Variants in HTT-AS observed in about 807,000 individuals in gnomAD.
The protein encoded by HTT-AS is HTT antisense RNA.
intron 2 of HTT-AS, among the ~76,000 whole-genome samples, chr4:3,055,063 G>A (rs1183646023): frequency 6.6e-6 from 1 of 151,972 alleles, no homozygotes; most frequent in Non-Finnish European, 1.5e-5. Context: ...AATTGTAAGG[G>A]CTTGGCCAGG....
At chr4:3,072,525 G>A (rs1480745742) in intron 1 of HTT-AS, among the ~76,000 whole-genome samples, 1 of 152,224 alleles carries the variant, frequency 6.6e-6, no homozygotes, top group Non-Finnish European at 1.5e-5. Context: ...GGAGGTGAGG[G>A]GTGCTGGGGC....
At chr4:3,051,948 G>C (rs182291868) in intron 2 of HTT-AS, among the ~76,000 whole-genome samples, 2 of 152,270 alleles carry the variant, frequency 1.3e-5, no homozygotes, top group East Asian at 3.9e-4. Context: ...GTTTGACCTT[G>C]TAACCATGTG....
chr4:3,048,176 C>T (rs1354417159), downstream of HTT-AS, among the ~76,000 whole-genome samples: 3 of 151,870 alleles, frequency 2.0e-5, no homozygotes, highest in Non-Finnish European at 2.9e-5. Context: ...CTCTCATCTC[C>T]GCAGGTGAGG....
intron 2 of HTT-AS, among the ~76,000 whole-genome samples, chr4:3,059,098 G>T (rs1475012253): frequency 6.6e-6 from 1 of 152,168 alleles, no homozygotes; most frequent in Non-Finnish European, 1.5e-5. Context: ...CCTTGCAGAT[G>T]AATCGTAACC....
intron 2 of HTT-AS, among the ~76,000 whole-genome samples, chr4:3,058,366 A>G (rs1297002954): frequency 6.6e-6 from 1 of 152,134 alleles, no homozygotes; most frequent in African/African-American, 2.4e-5. Flanking sequence ...GGTAACTTCT[A>G]TATGTTGCCA....
chr4:3,058,002 C>A (rs559650949), intron 2 of HTT-AS, among the ~76,000 whole-genome samples: 1 of 151,710 alleles, frequency 6.6e-6, no homozygotes, highest in East Asian at 2.0e-4. Flanking sequence ...ATTCCCAGAA[C>A]TGAGGGTTTC....
intron 1 of HTT-AS, among the ~76,000 whole-genome samples, chr4:3,065,987 C>A (rs1337313057): frequency 6.6e-6 from 1 of 152,178 alleles, no homozygotes; most frequent in Admixed American, 6.5e-5. Flanking sequence ...CGATAGAATC[C>A]GTTTCTATCA....
chr4:3,057,167 G>T (rs1297545542), intron 2 of HTT-AS, among the ~76,000 whole-genome samples: 1 of 152,056 alleles, frequency 6.6e-6, no homozygotes, highest in Non-Finnish European at 1.5e-5. Context: ...CCGAGTAGCT[G>T]GGACTACAGG....
chr4:3,069,763 G>C (rs933942631), intron 1 of HTT-AS, among the ~76,000 whole-genome samples: 4 of 152,106 alleles, frequency 2.6e-5, no homozygotes, highest in African/African-American at 9.7e-5. Context: ...TCTGCAGCTG[G>C]GCCCGTGCTC....
chr4:3,062,686 G>A (rs1711956889), exon 2 of HTT-AS, among the ~76,000 whole-genome samples: 2 of 151,888 alleles, frequency 1.3e-5, no homozygotes, highest in African/African-American at 4.8e-5. Flanking sequence ...ACTGTGCACT[G>A]CTGAGGGTAA....
At chr4:3,046,602 C>T (rs1418118588), downstream of HTT-AS, among the ~76,000 whole-genome samples, 1 of 152,204 alleles carries the variant, frequency 6.6e-6, no homozygotes, top group Non-Finnish European at 1.5e-5. Flanking sequence ...AAACTTTAGT[C>T]ATTGATGTCA....
chr4:3,053,056 T>C (rs748478304), intron 2 of HTT-AS, among the ~76,000 whole-genome samples: 35 of 152,112 alleles, frequency 2.3e-4, no homozygotes, highest in African/African-American at 2.2e-4. Context: ...TGTGCCTGCT[T>C]ATTATATTAG....
downstream of HTT-AS, among the ~76,000 whole-genome samples, chr4:3,047,957 T>A (rs1172666644): frequency 6.6e-6 from 1 of 152,234 alleles, no homozygotes; most frequent in Non-Finnish European, 1.5e-5. Flanking sequence ...AAGGGCACCC[T>A]GTCCGGTGGA....
At chr4:3,070,132 C>G (rs1712138037) in intron 1 of HTT-AS, 1 of 152,312 alleles carries the variant, frequency 6.6e-6, no homozygotes, top group Admixed American at 6.5e-5. Context: ...CAGTGAGATT[C>G]TTTCATTTAA....
intron 2 of HTT-AS, among the ~76,000 whole-genome samples, chr4:3,054,817 C>T (rs773891012): frequency 4.6e-5 from 7 of 151,608 alleles, no homozygotes; most frequent in Non-Finnish European, 8.8e-5. Flanking sequence ...TGGGTTTAAG[C>T]GATTCTCCTG....
downstream of HTT-AS, among the ~76,000 whole-genome samples, chr4:3,047,626 C>T (rs779858774): frequency 9.2e-5 from 14 of 152,128 alleles, no homozygotes; most frequent in Non-Finnish European, 1.8e-4. Flanking sequence ...GTTACTTAGC[C>T]GACCAGGGAA....
At chr4:3,055,625 C>T (rs1287769190) in intron 2 of HTT-AS, among the ~76,000 whole-genome samples, 2 of 152,218 alleles carry the variant, frequency 1.3e-5, no homozygotes, top group Non-Finnish European at 2.9e-5. Flanking sequence ...TAAGACTTCA[C>T]CACTTTCCAT....
intron 1 of HTT-AS, among the ~76,000 whole-genome samples, chr4:3,071,683 T>C (rs1456548622): frequency 6.6e-6 from 1 of 152,086 alleles, no homozygotes; most frequent in Non-Finnish European, 1.5e-5. Flanking sequence ...AATGGGATTG[T>C]ATTTGGAGAC....
chr4:3,067,470 A>G (rs924619355), intron 1 of HTT-AS, among the ~76,000 whole-genome samples: 8 of 152,312 alleles, frequency 5.3e-5, no homozygotes, highest in African/African-American at 1.4e-4. Flanking sequence ...GATGCATTTA[A>G]TGGGGACACT....
Sources: gnomAD v4.1 joint callset for allele counts (sites outside exome capture counted in the v4.1 genomes callset) on GRCh38, gnomAD v4.1.1 for gene constraint, MANE v1.5 for transcripts, NCBI Gene and HGNC (gene_info 2026-07-23, HGNC 2026-07-21) for gene names.